The following FOXN3 variants were observed in gnomAD, a reference collection of about 807,000 sequenced individuals.
FOXN3 encodes the protein forkhead box protein N3.
Under a neutral mutation model 38.4 loss-of-function variants are expected in FOXN3, and 7 were observed. The ratio of observed to expected loss-of-function variants is 0.18; its 90% CI spans 0.10 to 0.34. The LOEUF is 0.34. Ranked by LOEUF, FOXN3 falls within the 10% of genes least tolerant of loss-of-function variation. The pLI is 1.00. For synonymous variants in FOXN3, 230 were observed against 242.2 expected, an observed-to-expected ratio of 0.95 and a Z score of 0.47; for missense variants, 456 against 613.4, an observed-to-expected ratio of 0.74 and a Z score of 2.71.
At position 89,548,177 on chromosome 14, in the gene FOXN3, T is replaced by A. The variant is rs1318311050; in HGVS notation, c.-15+70851A>T. Among the ~76,000 whole-genome samples the A allele has an allele frequency of 6.6e-6, 1 of 152,092 alleles. No homozygotes were observed. Among genetic ancestry groups the A allele is most frequent in the Non-Finnish European group, 1.5e-5 (1 of 68,008 alleles). ...CAAGAAACACCCCATTCACTTAGAGTAAAAATTACCTTTCACTTGCTTACT... is the reference window on the plus strand; with the variant it reads ...CAAGAAACACCCCATTCACTTAGAGAAAAAATTACCTTTCACTTGCTTACT... On this transcript the variant is annotated intron_variant, in intron 1 of 6. Coordinates refer to the FOXN3 transcript ENST00000345097. This position sits in a 1 kb window ranked among gnomAD's most constrained non-coding sequence, Gnocchi z 4.8.
At chr14:89,386,630 C>G (rs1034308323) in intron 2 of FOXN3, among the ~76,000 whole-genome samples, 22 of 152,314 alleles carry the variant, frequency 1.4e-4, no homozygotes, top group African/African-American at 5.3e-4. Context: ...CTAATTAGAG[C>G]CAAAGCACAC....
At chr14:89,185,235 A>AG (rs575716870) in intron 4 of FOXN3, among the ~76,000 whole-genome samples, 122 of 152,338 alleles carry the variant, frequency 8.0e-4, no homozygotes, top group African/African-American at 2.7e-3. Flanking sequence ...ACCAGCTGCC[A>AG]GAAGCCAGCT....
At chr14:89,580,125 T>C (rs1455785030) in intron 1 of FOXN3, among the ~76,000 whole-genome samples, 1 of 152,208 alleles carries the variant, frequency 6.6e-6, no homozygotes, top group African/African-American at 2.4e-5. Context: ...AGATTGGTAT[T>C]TCTAGCAGAG....
At chr14:89,489,141 T>C (rs1893517890) in intron 1 of FOXN3, among the ~76,000 whole-genome samples, 1 of 152,152 alleles carries the variant, frequency 6.6e-6, no homozygotes, top group South Asian at 2.1e-4. Context: ...CATGCCAGCT[T>C]TGCCACTCAA....
At chr14:89,335,077 T>A (rs12882461) in intron 3 of FOXN3, among the ~76,000 whole-genome samples, 10 of 139,344 alleles carry the variant, frequency 7.2e-5, no homozygotes, top group South Asian at 5.2e-4. Context: ...TATTTTCATA[T>A]CACACACACA....
intron 2 of FOXN3, among the ~76,000 whole-genome samples, chr14:89,390,225 A>T (rs1890903238): frequency 1.0e-5 from 1 of 95,608 alleles, no homozygotes. Context: ...GACTCCCTTT[A>T]AAAAAAAAAA....
intron 1 of FOXN3, among the ~76,000 whole-genome samples, chr14:89,510,145 G>A (rs441026): frequency 6.6e-6 from 1 of 152,026 alleles, no homozygotes; most frequent in Non-Finnish European, 1.5e-5. Context: ...AGGCAGGAAG[G>A]AGAATTCCTC....
At chr14:89,338,809 A>G (rs1445163823) in intron 3 of FOXN3, among the ~76,000 whole-genome samples, 1 of 152,170 alleles carries the variant, frequency 6.6e-6, no homozygotes, top group Non-Finnish European at 1.5e-5. Context: ...ACTCTGTCTC[A>G]AAGAAAAAAA....
chr14:89,514,075 C>T (rs992125564), intron 1 of FOXN3, among the ~76,000 whole-genome samples: 1 of 152,090 alleles, frequency 6.6e-6, no homozygotes, highest in African/African-American at 2.4e-5. Context: ...TGCCAGAGAA[C>T]CAGGTGATGA....
chr14:89,461,605 A>G (rs1217230681), intron 1 of FOXN3, among the ~76,000 whole-genome samples: 2 of 152,234 alleles, frequency 1.3e-5, no homozygotes, highest in Non-Finnish European at 2.9e-5. Context: ...TTGAAACATA[A>G]TAATAAAAAG....
intron 2 of FOXN3, among the ~76,000 whole-genome samples, chr14:89,396,718 G>C (rs762826256): frequency 2.6e-5 from 4 of 151,912 alleles, no homozygotes; most frequent in Non-Finnish European, 5.9e-5. Context: ...TGTAATCCCA[G>C]CTACTTGGGA....
rs1886986317 is a variant in FOXN3 at position 89,156,624 on chromosome 14, T to C, written c.*5790A>G. ...AATAGTAAACCTCTTGGTCTTCTGA[T>C]TGCTTTATCACTTTTTTTTTTTTTC... On this transcript the variant is annotated 3_prime_UTR_variant, in exon 6 of 6. Coordinates refer to ENST00000557258, the MANE Select transcript of FOXN3 (RefSeq NM_005197.4). 1 of 152,124 alleles carries C rather than the reference T, an allele frequency of 6.6e-6. No individual in the cohort carries two copies. The highest frequency in any genetic ancestry group is 2.1e-4 in the South Asian group (1 of 4,826). The allele number at this position is 152,124 out of a possible 1,614,324, so 9.4% of individuals were successfully genotyped here. A position where few individuals can be genotyped will look rare whatever the true frequency, so the allele number is the denominator to read the frequency against.
chr14:89,387,210 C>CATCT (rs1381942858), intron 2 of FOXN3, among the ~76,000 whole-genome samples: 7 of 152,174 alleles, frequency 4.6e-5, no homozygotes, highest in African/African-American at 1.7e-4. Flanking sequence ...AAGCCGAGAT[C>CATCT]GTGCCACTGC....
intron 1 of FOXN3, among the ~76,000 whole-genome samples, chr14:89,468,037 T>C (rs1187756204): frequency 1.3e-5 from 2 of 151,856 alleles, no homozygotes; most frequent in African/African-American, 4.8e-5. Flanking sequence ...AGCATATATA[T>C]GCATGCACAT....
At chr14:89,483,121 C>T (rs965518425) in intron 1 of FOXN3, among the ~76,000 whole-genome samples, 7 of 152,106 alleles carry the variant, frequency 4.6e-5, no homozygotes, top group African/African-American at 1.7e-4. Context: ...GCAGGAGAAT[C>T]GCTTGAACCC....
At chr14:89,345,779 C>T (rs933965662) in intron 3 of FOXN3, among the ~76,000 whole-genome samples, 5 of 152,224 alleles carry the variant, frequency 3.3e-5, no homozygotes, top group Admixed American at 1.3e-4. Context: ...GCCTCCAGGC[C>T]GGGCACAGTG....
chr14:89,422,593 ACTC>A (rs1891938071), intron 1 of FOXN3, among the ~76,000 whole-genome samples: 1 of 152,060 alleles, frequency 6.6e-6, no homozygotes, highest in Non-Finnish European at 1.5e-5. Context: ...GAGTAAAAAA[ACTC>A]CTCACTTTCC....
intron 3 of FOXN3, among the ~76,000 whole-genome samples, chr14:89,309,783 T>C: frequency 6.6e-6 from 1 of 152,094 alleles, no homozygotes; most frequent in Non-Finnish European, 1.5e-5. Flanking sequence ...AAAAAGAATC[T>C]CACTTAGTAA....
intron 2 of FOXN3, among the ~76,000 whole-genome samples, chr14:89,398,895 A>T (rs1029608480): frequency 2.0e-5 from 3 of 152,220 alleles, no homozygotes; most frequent in Admixed American, 2.0e-4. Flanking sequence ...TAAGCAGGAG[A>T]ATCGCTTGAA....
Sources: gnomAD v4.1 joint callset for allele counts (sites outside exome capture counted in the v4.1 genomes callset) on GRCh38, gnomAD v4.1.1 for gene constraint, Gnocchi (gnomAD v3.1) non-coding constraint, MANE v1.5 for transcripts, NCBI Gene and HGNC (gene_info 2026-07-23, HGNC 2026-07-21) for gene names.